The following SLC9A9 variants were observed in gnomAD, a reference collection of about 807,000 sequenced individuals.
SLC9A9 encodes solute carrier family 9 member A9.
In SLC9A9, 62 loss-of-function variants were observed where a neutral mutation model predicts 77.8. That is an observed-to-expected ratio of 0.80 (90% CI 0.65 to 0.98). The LOEUF is 0.98. Ranked by LOEUF, SLC9A9 falls within the 50% of genes least tolerant of loss-of-function variation. The probability of loss-of-function intolerance (pLI) is 0.00; values close to 1 mark genes in which losing one functional copy is unlikely to be tolerated. For synonymous variants in SLC9A9, 320 were observed against 283.5 expected (o/e 1.13, Z -1.29); for missense variants, 775 against 774.9 (o/e 1.00, Z 0.00).
chr3:143,276,565 A>C (rs1384128169), intron 14 of SLC9A9, among the ~76,000 whole-genome samples: 2 of 152,040 alleles, frequency 1.3e-5, no homozygotes, highest in African/African-American at 4.8e-5. Flanking sequence ...TAAAGTGTCT[A>C]GCATATTACC....
intron 14 of SLC9A9, among the ~76,000 whole-genome samples, chr3:143,306,920 C>T (rs1278438350): frequency 1.3e-5 from 2 of 152,204 alleles, no homozygotes; most frequent in East Asian, 3.8e-4. Context: ...CTGGCCTGTA[C>T]ACATGCTATT....
intron 4 of SLC9A9, among the ~76,000 whole-genome samples, chr3:143,768,181 C>A (rs573479422): frequency 6.6e-6 from 1 of 152,104 alleles, no homozygotes; most frequent in Non-Finnish European, 1.5e-5. Context: ...ATATCAGGGG[C>A]TCCTCACTCT....
At chr3:143,559,511 ATGTAT>A (rs1011130958) in intron 8 of SLC9A9, among the ~76,000 whole-genome samples, 1 of 151,368 alleles carries the variant, frequency 6.6e-6, no homozygotes, top group African/African-American at 2.4e-5. Flanking sequence ...TCATTTTCCT[ATGTAT>A]TACTTCATTA....
At chr3:143,277,365 G>A (rs1183922294) in intron 14 of SLC9A9, among the ~76,000 whole-genome samples, 2 of 152,200 alleles carry the variant, frequency 1.3e-5, no homozygotes, top group African/African-American at 4.8e-5. Flanking sequence ...GGGCCTTGAA[G>A]CTAATATCCT....
chr3:143,823,032 C>G (rs1361766326), intron 2 of SLC9A9, among the ~76,000 whole-genome samples: 2 of 152,062 alleles, frequency 1.3e-5, no homozygotes, highest in African/African-American at 4.8e-5. Context: ...ACAAAATAGC[C>G]AGCAATTAAG....
chr3:143,517,865 A>G lies in SLC9A9; in HGVS notation c.1090-22417T>C, dbSNP rs181517223. On this transcript the variant is annotated intron_variant, in intron 9 of 15. Coordinates refer to ENST00000316549, the MANE Select transcript of SLC9A9 (RefSeq NM_173653.4). ...GAGTTCACCATCGTTTAGGGCTTCA[A>G]TAGCAGCCACTTTTTAATCATTTGC... The G allele has an allele frequency of 3.5e-4, 560 of 1,579,864 alleles. 4 individuals carry two copies. The highest frequency in any genetic ancestry group is 8.0e-5 in the Non-Finnish European group (92 of 1,156,820).
intron 1 of SLC9A9, among the ~76,000 whole-genome samples, chr3:143,834,571 CTT>C (rs5853131): frequency 0.01 from 1,189 of 116,898 alleles, 19 homozygotes; most frequent in African/African-American, 0.037. Flanking sequence ...GCGAGGCACT[CTT>C]TTTTTTTTTT....
chr3:143,375,441 T>A (rs1178896941), intron 13 of SLC9A9, among the ~76,000 whole-genome samples: 3 of 152,224 alleles, frequency 2.0e-5, no homozygotes, highest in African/African-American at 4.8e-5. Context: ...TGCCAATGTA[T>A]CACTTCTGAT....
chr3:143,794,098 G>T (rs2008300726), intron 4 of SLC9A9, among the ~76,000 whole-genome samples: 1 of 152,140 alleles, frequency 6.6e-6, no homozygotes, highest in Non-Finnish European at 1.5e-5. Flanking sequence ...AAATCCCTCT[G>T]CTTACAGGCA....
chr3:143,593,171 A>G (rs575563855), intron 6 of SLC9A9, among the ~76,000 whole-genome samples: 1 of 152,362 alleles, frequency 6.6e-6, no homozygotes, highest in East Asian at 1.9e-4. Flanking sequence ...GGTACGGGCC[A>G]GAAGGAGGAG....
At chr3:143,335,489 T>C (rs1299159796) in intron 14 of SLC9A9, among the ~76,000 whole-genome samples, 2 of 152,132 alleles carry the variant, frequency 1.3e-5, no homozygotes, top group African/African-American at 2.4e-5. Context: ...AGAACAAAGC[T>C]AAAGGTTTCG....
intron 2 of SLC9A9, among the ~76,000 whole-genome samples, chr3:143,814,754 A>G (rs2008961201): frequency 6.6e-6 from 1 of 152,098 alleles, no homozygotes; most frequent in South Asian, 2.1e-4. Context: ...GGAGGAGCCG[A>G]CTCTACCTTC....
At chr3:143,593,360 G>A (rs1054806862) in intron 6 of SLC9A9, among the ~76,000 whole-genome samples, 17 of 152,220 alleles carry the variant, frequency 1.1e-4, no homozygotes, top group Admixed American at 1.0e-3. Flanking sequence ...TGATGGATAA[G>A]CTACCAGCTA....
At chr3:143,340,302 C>T (rs1369174690) in intron 14 of SLC9A9, among the ~76,000 whole-genome samples, 1 of 152,156 alleles carries the variant, frequency 6.6e-6, no homozygotes. Flanking sequence ...CAATGCTCAA[C>T]ACCAGCCTGA....
At chr3:143,707,400 A>C (rs200479250) in intron 4 of SLC9A9, among the ~76,000 whole-genome samples, 2 of 145,002 alleles carry the variant, frequency 1.4e-5, no homozygotes, top group Non-Finnish European at 3.0e-5. Context: ...ACACACACAC[A>C]CCCCAGCTGG....
At chr3:143,603,488 T>G (rs891747801) in intron 6 of SLC9A9, among the ~76,000 whole-genome samples, 5 of 152,238 alleles carry the variant, frequency 3.3e-5, no homozygotes, top group Admixed American at 6.5e-5. Context: ...TCTCTTGAAT[T>G]ATTCTCTCTG....
intron 5 of SLC9A9, among the ~76,000 whole-genome samples, chr3:143,660,031 G>A (rs1190691289): frequency 1.3e-5 from 2 of 152,182 alleles, no homozygotes; most frequent in Middle Eastern, 3.2e-3. Context: ...CTTCCACCAT[G>A]ATTGTGAGGC....
chr3:143,287,346 G>A (rs1256784493), intron 14 of SLC9A9, among the ~76,000 whole-genome samples: 2 of 151,858 alleles, frequency 1.3e-5, no homozygotes, highest in Non-Finnish European at 2.9e-5. Flanking sequence ...TTGATGACTC[G>A]AAATAGTCTA....
Position 143,467,061 on chromosome 3 carries a change from G to C in SLC9A9, c.1445C>G (p.Pro482Arg), listed in dbSNP as rs775638836. 10 of 1,613,892 alleles carry C rather than the reference G, an allele frequency of 6.2e-6. No individual in the cohort carries two copies. Among genetic ancestry groups the C allele is most frequent in the Non-Finnish European group, 8.5e-6 (10 of 1,179,950 alleles). ...TVWVFGGGTTPMLTWLQIRVG... is the reference protein window; with the variant it reads ...TVWVFGGGTTRMLTWLQIRVG... ...CCTGATCTGAAGCCAAGTCAACATG[G>C]GGGTTGTTCCTCCTCCAAATACCCA... is the stretch of plus-strand genomic sequence containing the variant. Residue 482 changes from proline to arginine, a missense_variant, in exon 12 of 16, where the codon CCC becomes CGC. By Grantham distance (103) the Pro-to-Arg change is moderately radical. Transcript: ENST00000316549.
Sources: allele counts gnomAD v4.1 joint callset (sites outside exome capture counted in the v4.1 genomes callset), GRCh38; gene constraint gnomAD v4.1.1; transcripts MANE v1.5; gene names NCBI Gene and HGNC (gene_info 2026-07-23, HGNC 2026-07-21).